CAMSAP2: variants seen among roughly 807,000 people sequenced by gnomAD.
The protein encoded by CAMSAP2 is calmodulin regulated spectrin associated protein family member 2, also known as calmodulin-regulated spectrin-associated protein 2.
In CAMSAP2, 26 loss-of-function variants were observed where a neutral mutation model predicts 146.1. That is an observed-to-expected ratio of 0.18 (90% CI 0.13 to 0.25). The LOEUF is 0.25. Ranked by LOEUF, CAMSAP2 falls within the 10% of genes least tolerant of loss-of-function variation. CAMSAP2 has a pLI of 1.00. For missense variants in CAMSAP2, 1,381 were observed against 1,759.3 expected, an observed-to-expected ratio of 0.78 and a Z score of 3.85; for synonymous variants, 499 against 596.6, an observed-to-expected ratio of 0.84 and a Z score of 2.38.
chr1:200,818,764 A>G (rs1666672802), intron 4 of CAMSAP2, among the ~76,000 whole-genome samples: 1 of 152,224 alleles, frequency 6.6e-6, no homozygotes, highest in South Asian at 2.1e-4. Context: ...TTAATTCTGT[A>G]AAAGCAAAAT....
chr1:200,801,186 C>A (rs1666026785), intron 2 of CAMSAP2, among the ~76,000 whole-genome samples: 1 of 151,970 alleles, frequency 6.6e-6, no homozygotes, highest in Non-Finnish European at 1.5e-5. Context: ...ATCTCTTGAA[C>A]CCAGGAGGTG....
intron 4 of CAMSAP2, among the ~76,000 whole-genome samples, chr1:200,823,657 C>G (rs1666830789): frequency 6.6e-6 from 1 of 152,114 alleles, no homozygotes; most frequent in African/African-American, 2.4e-5. Context: ...TGATTTAACA[C>G]TAGTGATATT....
At chr1:200,760,205 G>A (rs1340597222) in intron 1 of CAMSAP2, among the ~76,000 whole-genome samples, 1 of 152,138 alleles carries the variant, frequency 6.6e-6, no homozygotes, top group East Asian at 1.9e-4. Flanking sequence ...AGTGGTCAGT[G>A]GTAATGTGGC....
At chr1:200,807,277 C>A (rs1666202105) in intron 2 of CAMSAP2, 99 bp from the exon 3 acceptor site, 2 of 899,670 alleles carry the variant, frequency 2.2e-6, no homozygotes, top group South Asian at 2.9e-5. Flanking sequence ...TGTAGTTATT[C>A]TGCTGCTTGT....
At chr1:200,744,878 G>C (rs556568701) in intron 1 of CAMSAP2, among the ~76,000 whole-genome samples, 4 of 152,100 alleles carry the variant, frequency 2.6e-5, no homozygotes, top group Non-Finnish European at 5.9e-5. Flanking sequence ...ATGAAGCAGT[G>C]AGAGAGCCAG....
chr1:200,751,535 CAAAAAAAAAAAAAAA>C (rs35294926), intron 1 of CAMSAP2, among the ~76,000 whole-genome samples: 3 of 41,594 alleles, frequency 7.2e-5, no homozygotes, highest in African/African-American at 2.5e-4. Flanking sequence ...GACTCCATCT[CAAAAAAAAAAAAAAA>C]AAAAAAAAAG....
intron 1 of CAMSAP2, 53 bp from the exon 2 acceptor site, chr1:200,760,784 CTA>C (rs1437087527): frequency 1.1e-5 from 14 of 1,254,516 alleles, no homozygotes; most frequent in African/African-American, 3.0e-5. Context: ...TAATTAAATT[CTA>C]TGTTTCTTTT....
At chr1:200,783,089 C>T (rs912600492) in intron 2 of CAMSAP2, among the ~76,000 whole-genome samples, 3 of 151,802 alleles carry the variant, frequency 2.0e-5, no homozygotes, top group African/African-American at 7.3e-5. Flanking sequence ...CTTGGTGGGC[C>T]ATATGTATGT....
In CAMSAP2 at chr1:200,852,599, G is replaced by A. The variant is rs370790037; in HGVS notation, c.3524G>A (p.Arg1175Lys). The change falls in exon 12 of 17, where the codon AGA becomes AAA. Residue 1175 changes from arginine to lysine, a missense_variant. Physicochemically the swap from Arg to Lys is conservative, Grantham distance 26. Around this residue, in one of 4 missense-constraint regions of CAMSAP2, gnomAD observed 560 missense variants for 715.9 expected, o/e 0.78. Transcript: ENST00000358823. ...AMKRAALLEK[R>K]LRREKETQLR... ...AAACGGGCAGCTTTGTTGGAGAAAA[G>A]ATTAAGAAGGGAAAAGGAAACTCAG... The A allele has an allele frequency of 2.5e-6, 4 of 1,613,754 alleles. No individual in the cohort carries two copies. The highest frequency in any genetic ancestry group is 3.4e-6 in the Non-Finnish European group (4 of 1,179,860).
At chr1:200,814,132 G>T (rs1324552695) in intron 3 of CAMSAP2, among the ~76,000 whole-genome samples, 7 of 90,262 alleles carry the variant, frequency 7.8e-5, no homozygotes, top group Non-Finnish European at 1.4e-4. Context: ...AAAAGGTGGC[G>T]GGGGGAGGGG....
At chr1:200,836,620 C>T (rs1326465273) in intron 6 of CAMSAP2, among the ~76,000 whole-genome samples, 1 of 152,148 alleles carries the variant, frequency 6.6e-6, no homozygotes, top group East Asian at 1.9e-4. Flanking sequence ...AATGGGATTG[C>T]TGGGTTCAGT....
intron 2 of CAMSAP2, among the ~76,000 whole-genome samples, chr1:200,804,651 C>T (rs1353667616): frequency 6.6e-6 from 1 of 152,090 alleles, no homozygotes; most frequent in Non-Finnish European, 1.5e-5. Flanking sequence ...AAGACAGGAT[C>T]CCTGCTCTCC....
At chr1:200,764,275 A>C (rs758350402) in intron 2 of CAMSAP2, among the ~76,000 whole-genome samples, 17 of 152,114 alleles carry the variant, frequency 1.1e-4, no homozygotes, top group Non-Finnish European at 1.8e-4. Flanking sequence ...GGGGGAAAAA[A>C]AGTGTGGTGG....
At position 200,853,039 on chromosome 1, in the gene CAMSAP2, T is replaced by G. The variant is rs912170089; in HGVS notation, c.3603-236T>G. Among the ~76,000 whole-genome samples, 1 of 151,344 alleles carries G rather than the reference T, an allele frequency of 6.6e-6. No individual in the cohort carries two copies. Among genetic ancestry groups the G allele is most frequent in the Non-Finnish European group, 1.5e-5 (1 of 67,816 alleles). ...CACACACACACACACACGACCTAAATTATCTCAAATACCTTTATTTTTATT... is the reference window on the plus strand; with the variant it reads ...CACACACACACACACACGACCTAAAGTATCTCAAATACCTTTATTTTTATT... On this transcript the variant is annotated intron_variant, in intron 12 of 16. Coordinates refer to ENST00000358823, the MANE Select transcript of CAMSAP2 (RefSeq NM_203459.4). The surrounding 1 kb of genome is among the most constrained non-coding windows in gnomAD (Gnocchi z 5.1).
Position 200,848,925 on chromosome 1 carries a change from T to C in CAMSAP2, c.2156T>C (p.Leu719Pro). 1 of 1,614,178 alleles carries C rather than the reference T, an allele frequency of 6.2e-7. No individual in the cohort carries two copies. Among genetic ancestry groups the C allele is most frequent in the Non-Finnish European group, 8.5e-7 (1 of 1,180,022 alleles). The part of the protein sequence containing the change: ...SQKTTPEGSE[L>P]NIPHVVAWAQ... ...AAAACTACACCAGAAGGCTCTGAAC[T>C]TAATATTCCTCATGTGGTTGCTTGG... The change falls in exon 11 of 17, where the codon CTT (leucine) becomes CCT (proline). Residue 719 changes from leucine to proline, a missense_variant. Physicochemically the swap from Leu to Pro is moderately conservative, Grantham distance 98. Transcript: ENST00000358823.
intron 2 of CAMSAP2, among the ~76,000 whole-genome samples, chr1:200,767,066 C>T (rs796289743): frequency 6.6e-5 from 10 of 152,290 alleles, no homozygotes; most frequent in African/African-American, 2.4e-4. Flanking sequence ...CGTGGTGGCT[C>T]ACACCTGTAA....
intron 4 of CAMSAP2, among the ~76,000 whole-genome samples, chr1:200,817,241 T>TAC (rs1228849157): frequency 9.4e-5 from 1 of 10,616 alleles, no homozygotes; most frequent in African/African-American, 4.9e-4. Flanking sequence ...TATACACACA[T>TAC]ACACACATAT....
rs77466285 is a variant in CAMSAP2, at chr1:200,809,971, C to A, written c.561+2434C>A. On this transcript the variant is annotated intron_variant, in intron 3 of 16. Transcript: ENST00000358823. ...TCTTACAAAGCTGCTAGTGATAGCC[C>A]GTTGATCCATTGATCTGTGAATTGG... Among the ~76,000 whole-genome samples, 96 of 152,180 alleles carry A rather than the reference C, an allele frequency of 6.3e-4. 1 individual carries two copies. The East Asian group carries it at 0.019, about 29-fold the overall frequency.
At chr1:200,762,796 G>A (rs1441654879) in intron 2 of CAMSAP2, among the ~76,000 whole-genome samples, 1 of 152,168 alleles carries the variant, frequency 6.6e-6, no homozygotes, top group Non-Finnish European at 1.5e-5. Context: ...GGGTTTGGTA[G>A]ACTGCTGATT....
Sources: gnomAD v4.1 joint callset for allele counts (sites outside exome capture counted in the v4.1 genomes callset) on GRCh38, gnomAD v4.1.1 for gene constraint, gnomAD v4.1.1 regional missense constraint, Gnocchi (gnomAD v3.1) non-coding constraint, MANE v1.5 for transcripts, NCBI Gene and HGNC (gene_info 2026-07-23, HGNC 2026-07-21) for gene names.